SCARF1: variants seen among roughly 807,000 people sequenced by gnomAD.
SCARF1 encodes the protein scavenger receptor class F member 1.
A neutral mutation model predicts 76.3 loss-of-function variants in SCARF1; 49 were observed. That is an observed-to-expected ratio of 0.64 (90% CI 0.51 to 0.81). The LOEUF (loss-of-function observed/expected upper bound fraction) is 0.81, where lower values mean the gene tolerates loss of function less well. Ranked by LOEUF, SCARF1 falls within the 40% of genes least tolerant of loss-of-function variation. The pLI, the probability that SCARF1 is intolerant of heterozygous loss-of-function variation, is 0.00. For synonymous variants in SCARF1, 495 were observed against 474.6 expected (o/e 1.04, Z -0.56); for missense variants, 1,098 against 1,143.9 (o/e 0.96, Z 0.58).
chr17:1,634,694 T>A lies in SCARF1; in HGVS notation c.*64A>T. The A allele has an allele frequency of 6.7e-7, 1 of 1,502,902 alleles. No homozygotes were observed. The allele number at this position is 1,502,902 out of a possible 1,614,324, so 93.1% of individuals were successfully genotyped here. A position where few individuals can be genotyped will look rare whatever the true frequency, so the allele number is the denominator to read the frequency against. On this transcript the variant is annotated 3_prime_UTR_variant, in exon 11 of 11. Transcript: ENST00000263071. ...TGGTTTGTCTGTCCTGGCCCCGGGA[T>A]CATTTTCCAGCACACAGCACAGTCT... is the stretch of plus-strand genomic sequence containing the variant.
chr17:1,634,969 C>T lies in SCARF1; in HGVS notation c.2282G>A (p.Gly761Glu). 3 of 1,613,230 alleles carry T rather than the reference C, an allele frequency of 1.9e-6. No homozygotes were observed. The highest frequency in any genetic ancestry group is 3.3e-5 in the Admixed American group (2 of 59,880). Residue 761 changes from glycine (G) to glutamate (E), a missense_variant, in exon 11 of 11, where the codon GGG becomes GAG. Coordinates refer to ENST00000263071, the MANE Select transcript of SCARF1 (RefSeq NM_003693.4). ...CATAGGCCCTGTGGCCCCAGGAAGC[C>T]CAGCTTTTGGGGCTGAGTTGGGGCT... ...GQSPNSAPKA[G>E]LPGATGPMAV...
chr17:1,641,653 G>T (rs78274576), intron 4 of SCARF1, among the ~76,000 whole-genome samples: 11 of 152,130 alleles, frequency 7.2e-5, no homozygotes, highest in Non-Finnish European at 1.5e-4. Context: ...CCATTAGTAG[G>T]GGAGAAGAAG....
In SCARF1 at chr17:1,634,804, G is replaced by C. The variant is rs1366252493; in HGVS notation, c.2447C>G (p.Pro816Arg). Residue 816 changes from proline to arginine, a missense_variant, in exon 11 of 11, where the codon CCT becomes CGT. Coordinates refer to ENST00000263071, the MANE Select transcript of SCARF1 (RefSeq NM_003693.4). Reference sequence around the variant, plus strand: ...GATGGGTACAACATTCTCATACTCAGGTTCCTCCTGCCTTTCCTCTTCAGC... The same window carrying C: ...GATGGGTACAACATTCTCATACTCACGTTCCTCCTGCCTTTCCTCTTCAGC... ...KQAEEERQEE[P>R]EYENVVPISR... 2 of 1,611,510 alleles carry C rather than the reference G, an allele frequency of 1.2e-6. No individual in the cohort carries two copies.
rs148643210 is a variant in SCARF1, at chr17:1,642,704, T to C, written c.791+738A>G. ...TGGACCTGGGGCAACAAAGCGTTTT[T>C]AAAAGTTTTTGTTTTGTTTTGTTTG... On this transcript the variant is annotated intron_variant, in intron 4 of 10. Transcript: ENST00000263071. 6.7e-3 allele frequency among the ~76,000 whole-genome samples: 1,024 copies of C among 152,274 alleles called. 15 individuals are homozygous for C. The highest frequency in any genetic ancestry group is 0.023 in the African/African-American group (965 of 41,546).
At chr17:1,638,265 A>C (rs539211987) in intron 8 of SCARF1, 1 of 152,568 alleles carries the variant, frequency 6.6e-6, no homozygotes, top group South Asian at 2.1e-4. Context: ...CCACCAGCCC[A>C]ACCCTTCCTC....
Position 1,640,456 on chromosome 17 carries a change from C to T in SCARF1, c.1002G>A (p.Leu334=), listed in dbSNP as rs1291338242. The change falls in exon 5 of 11, where the codon CTG becomes CTA. Residue 334 remains leucine (L), a synonymous_variant. Transcript: ENST00000263071. This position sits in a 1 kb window ranked among gnomAD's most constrained non-coding sequence, Gnocchi z 4.7. The part of the protein sequence containing the change: ...GHCQRCDPGW[L]GPRCEDPCPT... The stretch of plus-strand genomic sequence containing the variant: ...CAGAATGGTGCCCTCACCTGGGCCC[C>T]AGCCAGCCAGGGTCACAGCGCTGAC... 5.1e-6 allele frequency: 8 copies of T among 1,555,654 alleles called. No homozygotes were observed. In the Admixed American group the frequency reaches 7.7e-5, roughly 15 times the overall value.
Position 1,644,100 on chromosome 17 carries a change from C to A in SCARF1, c.266-133G>T. 4 of 673,002 alleles carry A rather than the reference C, an allele frequency of 5.9e-6. No individual in the cohort carries two copies. Among genetic ancestry groups the A allele is most frequent in the Non-Finnish European group, 8.4e-6 (4 of 474,194 alleles). 41.7% of individuals were successfully genotyped at this position (673,002 alleles called of 1,614,324 possible). A position where few individuals can be genotyped will look rare whatever the true frequency, so the allele number is the denominator to read the frequency against. On this transcript the variant is annotated intron_variant, in intron 3 of 10. Coordinates refer to ENST00000263071, the MANE Select transcript of SCARF1 (RefSeq NM_003693.4). The surrounding 1 kb of genome is among the most constrained non-coding windows in gnomAD (Gnocchi z 4.8). ...GCCGGGGACAGACCCTCAGAACATC[C>A]GGCAGCCTGTCCTGGGCAACACTCA...
At chr17:1,636,134 C>T (rs1909538666) in intron 10 of SCARF1, among the ~76,000 whole-genome samples, 2 of 152,196 alleles carry the variant, frequency 1.3e-5, no homozygotes, top group Admixed American at 6.5e-5. Flanking sequence ...GGATGCCACA[C>T]ACATCGTCCC....
At position 1,645,030 on chromosome 17, in the gene SCARF1, G is replaced by T; in HGVS notation, c.164-95C>A. ...CTCCAGGGGCCATGCCTCCTCAAGAGGTGCCCCTTCAGGCCTGGGGGTGCG... is the reference window on the plus strand; with the variant it reads ...CTCCAGGGGCCATGCCTCCTCAAGATGTGCCCCTTCAGGCCTGGGGGTGCG... On this transcript the variant is annotated intron_variant, in intron 2 of 10. Coordinates refer to ENST00000263071, the MANE Select transcript of SCARF1 (RefSeq NM_003693.4). The surrounding 1 kb of genome is among the most constrained non-coding windows in gnomAD (Gnocchi z 6.3). The T allele has an allele frequency of 1.3e-6, 2 of 1,530,650 alleles. No individual in the cohort carries two copies. The highest frequency in any genetic ancestry group is 1.8e-6 in the Non-Finnish European group (2 of 1,118,908). The allele number at this position is 1,530,650 out of a possible 1,614,324, so 94.8% of individuals were successfully genotyped here. A position where few individuals can be genotyped will look rare whatever the true frequency, so the allele number is the denominator to read the frequency against.
intron 7 of SCARF1, 130 bp downstream of exon 7, chr17:1,639,509 G>GAAAAAAAAAAAAAA: frequency 1.8e-6 from 1 of 566,748 alleles, no homozygotes; most frequent in East Asian, 2.9e-5. Flanking sequence ...CGTCTTAAGG[G>GAAAAAAAAAAAAAA]AAAAAAAAAA....
In SCARF1 at chr17:1,645,628, G is replaced by A. The variant is rs750047146; in HGVS notation, c.70C>T (p.Pro24Ser). 32 of 1,608,156 alleles carry A rather than the reference G, an allele frequency of 2.0e-5. No homozygotes were observed. The highest frequency in any genetic ancestry group is 2.7e-5 in the Non-Finnish European group (32 of 1,179,262). ...GCCACACAGACGTGCTGCCCTTTGG[G>A]GTCCAGCTCGGACCCCTGAGTCCCC... ...TRGTQGSELD[P>S]KGQHVCVASS... The change falls in exon 1 of 11, where the codon CCC becomes TCC. Residue 24 changes from proline to serine, a missense_variant. Coordinates refer to ENST00000263071, the MANE Select transcript of SCARF1 (RefSeq NM_003693.4). This position sits in a 1 kb window ranked among gnomAD's most constrained non-coding sequence, Gnocchi z 6.3.
chr17:1,640,698 G>T lies in SCARF1; in HGVS notation c.792-32C>A, dbSNP rs545180829. 1 of 1,589,198 alleles carries T rather than the reference G, an allele frequency of 6.3e-7. No homozygotes were observed. Among genetic ancestry groups the T allele is most frequent in the South Asian group, 1.1e-5 (1 of 88,990 alleles). ...AGAGAAGGGCTTCGTGGGAACAGTG[G>T]GGGTGGATGGATGGAGCGCCCACCC... On this transcript the variant is annotated intron_variant, in intron 4 of 10. Coordinates refer to ENST00000263071, the MANE Select transcript of SCARF1 (RefSeq NM_003693.4). The surrounding 1 kb of genome is among the most constrained non-coding windows in gnomAD (Gnocchi z 4.7).
Position 1,643,716 on chromosome 17 carries a change from C to T in SCARF1, c.517G>A (p.Glu173Lys), listed in dbSNP as rs890255581. 105 of 1,336,398 alleles carry T rather than the reference C, an allele frequency of 7.9e-5. No individual in the cohort carries two copies. The highest frequency in any genetic ancestry group is 1.0e-4 in the Non-Finnish European group (105 of 1,050,820). The allele number at this position is 1,336,398 out of a possible 1,614,324, so 82.8% of individuals were successfully genotyped here. Residue 173 changes from glutamate to lysine, a missense_variant, in exon 4 of 11, where the codon GAG (glutamate) becomes AAG (lysine). Coordinates refer to ENST00000263071, the MANE Select transcript of SCARF1 (RefSeq NM_003693.4). ...CACACGCAGGCGCCCGTGGCCTGCTCGCAGCGCGCCGCCGCGGTGTTGCAC... is the reference window on the plus strand; with the variant it reads ...CACACGCAGGCGCCCGTGGCCTGCTTGCAGCGCGCCGCCGCGGTGTTGCAC... ...CQCNTAAARC[E>K]QATGACVCKP...
At chr17:1,638,686 T>G in intron 8 of SCARF1, 120 bp downstream of exon 8, 1 of 777,538 alleles carries the variant, frequency 1.3e-6, no homozygotes, top group Non-Finnish European at 1.7e-6. Flanking sequence ...CCCACCCCCA[T>G]CACCTCTGAC....
In SCARF1 at chr17:1,640,660, G is replaced by A. The variant is rs1909977801; in HGVS notation, c.798C>T (p.Gly266=). 1 of 1,611,452 alleles carries A rather than the reference G, an allele frequency of 6.2e-7. No individual in the cohort carries two copies. Among genetic ancestry groups the A allele is most frequent in the African/African-American group, 1.3e-5 (1 of 75,004 alleles). ...SHGVQCAHSC[G]RCKHNEPCSP... ...AGCACGGCTCATTGTGTTTGCAGCGGCCACAGCTGGGAAGAGAAGGGCTTC... is the reference window on the plus strand; with the variant it reads ...AGCACGGCTCATTGTGTTTGCAGCGACCACAGCTGGGAAGAGAAGGGCTTC... Residue 266 remains glycine (G), a synonymous_variant, in exon 5 of 11, where the codon GGC becomes GGT. Coordinates refer to ENST00000263071, the MANE Select transcript of SCARF1 (RefSeq NM_003693.4). The surrounding 1 kb of genome is among the most constrained non-coding windows in gnomAD (Gnocchi z 4.7).
chr17:1,640,121 G>A lies in SCARF1; in HGVS notation c.1011-81C>T, dbSNP rs146187410. On this transcript the variant is annotated intron_variant, in intron 5 of 10. Coordinates refer to ENST00000263071, the MANE Select transcript of SCARF1 (RefSeq NM_003693.4). This position sits in a 1 kb window ranked among gnomAD's most constrained non-coding sequence, Gnocchi z 4.7. Reference sequence around the variant, plus strand: ...GTGGGGCCCCACCCCTCCGCCCCACGCTCCTGGACTCAAGGACCCAACTGG... The same window carrying A: ...GTGGGGCCCCACCCCTCCGCCCCACACTCCTGGACTCAAGGACCCAACTGG... 341 of 1,512,076 alleles carry A rather than the reference G, an allele frequency of 2.3e-4. 2 individuals are homozygous for A. The African/African-American group carries it at 3.9e-3, about 17-fold the overall frequency. The allele number at this position is 1,512,076 out of a possible 1,614,324, so 93.7% of individuals were successfully genotyped here.
chr17:1,645,138 C>G lies in SCARF1; in HGVS notation c.163+40G>C. 6.2e-7 allele frequency: 1 copy of G among 1,611,920 alleles called. No individual in the cohort carries two copies. Among genetic ancestry groups the G allele is most frequent in the Non-Finnish European group, 8.5e-7 (1 of 1,178,466 alleles). ...GGAAGGGTTGTCACTGGGCTACGGC[C>G]TCCCTTCTCCTTGGCTGAGGGTCTG... is the stretch of plus-strand genomic sequence containing the variant. On this transcript the variant is annotated intron_variant, in intron 2 of 10. Transcript: ENST00000263071. The surrounding 1 kb of genome is among the most constrained non-coding windows in gnomAD (Gnocchi z 6.3).
chr17:1,635,456 C>A lies in SCARF1; in HGVS notation c.1795G>T (p.Ala599Ser). ...CCTGAGCTTCGGCGACTCTGTGGTG[C>A]AAACTTGGTACCTTCCGCGAAGGAG... The part of the protein sequence containing the change: ...SVSFAEGTKF[A>S]PQSRRSSGEL... Residue 599 changes from alanine to serine, a missense_variant, in exon 11 of 11, where the codon GCA becomes TCA. Transcript: ENST00000263071. The A allele has an allele frequency of 1.2e-6, 2 of 1,614,084 alleles. No individual in the cohort carries two copies. The highest frequency in any genetic ancestry group is 1.7e-6 in the Non-Finnish European group (2 of 1,179,960).
chr17:1,635,601 G>A lies in SCARF1; in HGVS notation c.1650C>T (p.Ala550=), dbSNP rs769470942. The change falls in exon 11 of 11, where the codon GCC becomes GCT. Residue 550 remains alanine, a synonymous_variant. Transcript: ENST00000263071. Reference sequence around the variant, plus strand: ...GGCTGGCCTCTGACGACCCTGCCTGGGCCACAGGGACCATCCCTGGCAGAG... The same window carrying A: ...GGCTGGCCTCTGACGACCCTGCCTGAGCCACAGGGACCATCCCTGGCAGAG... The part of the protein sequence containing the change: ...VPPQEGMVPV[A]QAGSSEASLA... 3.1e-6 allele frequency: 5 copies of A among 1,602,352 alleles called. No individual in the cohort carries two copies. In the African/African-American group the frequency reaches 6.7e-5, roughly 21 times the overall value.
Sources: gnomAD v4.1 joint callset for allele counts (sites outside exome capture counted in the v4.1 genomes callset) on GRCh38, gnomAD v4.1.1 for gene constraint, Gnocchi (gnomAD v3.1) non-coding constraint, MANE v1.5 for transcripts, NCBI Gene and HGNC (gene_info 2026-07-23, HGNC 2026-07-21) for gene names.